Variants in SIK3 observed in about 807,000 individuals in gnomAD.
SIK3 encodes the protein SIK family kinase 3, also known as serine/threonine-protein kinase SIK3.
A neutral mutation model predicts 144.2 loss-of-function variants in SIK3; 28 were observed. The ratio of observed to expected loss-of-function variants is 0.19; its 90% confidence interval spans 0.14 to 0.27. SIK3 has a LOEUF of 0.27. Ranked by LOEUF, SIK3 falls within the 10% of genes least tolerant of loss-of-function variation. SIK3 has a pLI of 1.00. For missense variants in SIK3, 1,319 were observed against 1,776.0 expected, an observed-to-expected ratio of 0.74 and a Z score of 4.62; for synonymous variants, 686 against 676.3, an observed-to-expected ratio of 1.01 and a Z score of -0.22.
intron 3 of SIK3, among the ~76,000 whole-genome samples, chr11:116,945,944 T>C (rs1031009095): frequency 6.6e-6 from 1 of 152,162 alleles, no homozygotes; most frequent in Non-Finnish European, 1.5e-5. Flanking sequence ...GATAACATAA[T>C]CTGCTACTCT....
chr11:116,860,858 C>A (rs899507759), intron 19 of SIK3, among the ~76,000 whole-genome samples: 2 of 152,174 alleles, frequency 1.3e-5, no homozygotes, highest in African/African-American at 4.8e-5. Context: ...TTCTTGAGAT[C>A]TGGTTGTCTG....
At position 116,875,874 on chromosome 11, in the gene SIK3, TGACTGGTGCTTGAAAG is replaced by T. The variant is rs1171824285; in HGVS notation, c.1215_1230del (p.Phe406IlefsTer11). Reference sequence around the variant, plus strand: ...CTGGAGTTATTGCCCACCTGGATATTGACTGGTGCTTGAAAGGCCAGGGCTCGGGGCATGCTAGGAA... The same window carrying T: ...CTGGAGTTATTGCCCACCTGGATATTGCCAGGGCTCGGGGCATGCTAGGAA... On this transcript the variant is annotated frameshift_variant, in exon 9 of 25. Coordinates refer to ENST00000445177, the MANE Select transcript of SIK3 (RefSeq NM_001366686.3). LOFTEE classifies it high-confidence loss of function. 6.2e-7 allele frequency: 1 copy of T among 1,603,148 alleles called. No individual in the cohort carries two copies.
intron 3 of SIK3, among the ~76,000 whole-genome samples, chr11:116,946,862 T>A (rs888762762): frequency 2.0e-5 from 3 of 152,018 alleles, no homozygotes; most frequent in Non-Finnish European, 2.9e-5. Context: ...ACGCCTGTAA[T>A]CCCAGCACTT....
In SIK3 at chr11:116,867,891, A is replaced by C. The variant is rs950932681; in HGVS notation, c.1952+55T>G. On this transcript the variant is annotated intron_variant, in intron 15 of 24. Coordinates refer to ENST00000445177, the MANE Select transcript of SIK3 (RefSeq NM_001366686.3). The surrounding 1 kb of genome is among the most constrained non-coding windows in gnomAD (Gnocchi z 4.1). ...CACCGTCGCTGTGAGACTAATCAGA[A>C]GGGTGCCTGTCCGATGAGCCTCAAG... The C allele has an allele frequency of 1.4e-6, 2 of 1,450,438 alleles. No individual in the cohort carries two copies. Among genetic ancestry groups the C allele is most frequent in the African/African-American group, 2.9e-5 (2 of 69,782 alleles). 89.8% of individuals were successfully genotyped at this position (1,450,438 alleles called of 1,614,324 possible).
At chr11:117,059,450 T>C (rs1000188113) in intron 1 of SIK3, among the ~76,000 whole-genome samples, 2 of 152,224 alleles carry the variant, frequency 1.3e-5, no homozygotes, top group East Asian at 1.9e-4. Context: ...CTTCCCTGAA[T>C]AGCCATTCCT....
In SIK3 at chr11:116,888,416, G is replaced by A. The variant is rs187008712; in HGVS notation, c.865+7837C>T. On this transcript the variant is annotated intron_variant, in intron 6 of 24. Transcript: ENST00000445177. ...GAGATACAACTGTGCCCAGAAACAC[G>A]AGGCGTAAGCAGAAAAAGGACTCTG... Among the ~76,000 whole-genome samples, 318 of 152,302 alleles carry A rather than the reference G, an allele frequency of 2.1e-3. 3 individuals carry two copies. Among genetic ancestry groups the A allele is most frequent in the African/African-American group, 7.1e-3 (295 of 41,576 alleles).
chr11:116,856,192 G>A (rs1251056364), intron 21 of SIK3, among the ~76,000 whole-genome samples: 10 of 107,528 alleles, frequency 9.3e-5, no homozygotes, highest in Non-Finnish European at 1.5e-4. Context: ...GCAAGACTCC[G>A]TCTCAAAAAA....
At chr11:117,052,722 T>C (rs541441411) in intron 1 of SIK3, among the ~76,000 whole-genome samples, 1 of 152,340 alleles carries the variant, frequency 6.6e-6, no homozygotes, top group East Asian at 1.9e-4. Context: ...CTCCTTCCAA[T>C]GACTACATGC....
rs756316621 is a variant in SIK3, at chr11:116,859,373, C to T, written c.2657G>A (p.Ser886Asn). The change falls in exon 20 of 25, where the codon AGT becomes AAT. Residue 886 changes from serine to asparagine, a missense_variant. Ser to Asn is a conservative substitution (Grantham distance 46, BLOSUM62 1). Coordinates refer to ENST00000445177, the MANE Select transcript of SIK3 (RefSeq NM_001366686.3). ...SSGRGISISP[S>N]AGQMQMQHRT... ...GTGCTGCATCTGCATCTGACCAGCA[C>T]TGGGGCTGATGGAGATGCCGCGCCC... 4.3e-6 allele frequency: 7 copies of T among 1,614,214 alleles called. No individual in the cohort carries two copies. Among genetic ancestry groups the T allele is most frequent in the Non-Finnish European group, 5.9e-6 (7 of 1,180,026 alleles).
chr11:116,990,587 G>T (rs769704525), intron 1 of SIK3, among the ~76,000 whole-genome samples: 2 of 152,076 alleles, frequency 1.3e-5, no homozygotes, highest in African/African-American at 2.4e-5. Context: ...CTACTCACTC[G>T]ATCACTCTTC....
At chr11:117,060,372 G>A (rs554449474) in intron 1 of SIK3, among the ~76,000 whole-genome samples, 44 of 152,072 alleles carry the variant, frequency 2.9e-4, no homozygotes, top group Non-Finnish European at 5.6e-4. Context: ...CGAGGCAGGC[G>A]GATCACCTGA....
At chr11:117,025,227 T>C (rs1329209442) in intron 1 of SIK3, among the ~76,000 whole-genome samples, 2 of 152,116 alleles carry the variant, frequency 1.3e-5, no homozygotes, top group Non-Finnish European at 2.9e-5. Flanking sequence ...TCTCTGTAAA[T>C]GTAGCTTGAA....
intron 1 of SIK3, among the ~76,000 whole-genome samples, chr11:117,014,944 G>C (rs1333851326): frequency 6.6e-6 from 1 of 151,934 alleles, no homozygotes; most frequent in Non-Finnish European, 1.5e-5. Context: ...TGCACCTTTA[G>C]TCCCAGCTAC....
At chr11:117,079,910 T>A (rs1239177671) in intron 1 of SIK3, among the ~76,000 whole-genome samples, 1 of 152,174 alleles carries the variant, frequency 6.6e-6, no homozygotes, top group Admixed American at 6.5e-5. Flanking sequence ...AGCTCATGCC[T>A]GTAATCCCAG....
At chr11:117,072,548 T>C (rs1017744634) in intron 1 of SIK3, among the ~76,000 whole-genome samples, 5 of 152,182 alleles carry the variant, frequency 3.3e-5, no homozygotes, top group African/African-American at 1.2e-4. Context: ...CTGGAAAATG[T>C]GCTAACATTT....
At chr11:116,848,889 G>A (rs1373142329) in intron 22 of SIK3, among the ~76,000 whole-genome samples, 1 of 152,204 alleles carries the variant, frequency 6.6e-6, no homozygotes, top group African/African-American at 2.4e-5. Context: ...CTTGAACTGG[G>A]GAGGTAGAAG....
At chr11:116,869,243 A>C (rs1448224302) in intron 14 of SIK3, 1 of 152,150 alleles carries the variant, frequency 6.6e-6, no homozygotes, top group African/African-American at 2.4e-5. Flanking sequence ...GAGCTGGCCC[A>C]CCTGCCAACA....
chr11:117,098,103 C>T lies in SIK3; in HGVS notation c.273+40G>A, dbSNP rs369355543. The T allele has an allele frequency of 1.0e-3, 1,414 of 1,395,028 alleles. 19 individuals are homozygous for T. The African/African-American group carries it at 0.02, about 20-fold the overall frequency. 86.4% of individuals were successfully genotyped at this position (1,395,028 alleles called of 1,614,324 possible). ...TGGGGGGCGCGGACCTCTCCCGGCC[C>T]CGCCACGCTCCGACTGCCGCCTGGC... is the stretch of plus-strand genomic sequence containing the variant. On this transcript the variant is annotated intron_variant, in intron 1 of 24. Coordinates refer to ENST00000445177, the MANE Select transcript of SIK3 (RefSeq NM_001366686.3).
At chr11:116,967,015 GA>G (rs1233594261) in intron 1 of SIK3, among the ~76,000 whole-genome samples, 1 of 127,860 alleles carries the variant, frequency 7.8e-6, no homozygotes. Flanking sequence ...AAAAAAAAAA[GA>G]AAAAGAAAAA....
Sources: gnomAD v4.1 joint callset for allele counts (sites outside exome capture counted in the v4.1 genomes callset) on GRCh38, gnomAD v4.1.1 for gene constraint, Gnocchi (gnomAD v3.1) non-coding constraint, MANE v1.5 for transcripts, NCBI Gene and HGNC (gene_info 2026-07-23, HGNC 2026-07-21) for gene names.